The following REXO1 variants were observed in gnomAD, a reference collection of about 807,000 sequenced individuals.
REXO1 encodes the protein REX1, RNA exonuclease 1 homolog.
A neutral mutation model predicts 102.6 loss-of-function variants in REXO1; 42 were observed. The observed-to-expected ratio is 0.41, with a 90% CI of 0.32 to 0.53. The LOEUF (loss-of-function observed/expected upper bound fraction) is 0.53, where lower values mean the gene tolerates loss of function less well. REXO1 is among the 20% of genes least tolerant of loss of function. REXO1 has a pLI of 0.27. For missense variants in REXO1, 1,819 were observed against 1,732.5 expected (o/e 1.05, Z -0.89); for synonymous variants, 908 against 779.1 (o/e 1.17, Z -2.76).
At chr19:1,820,088 A>G in intron 6 of REXO1, 31 bp from the exon 7 acceptor site, 1 of 1,590,062 alleles carries the variant, frequency 6.3e-7, no homozygotes, top group Non-Finnish European at 8.5e-7. Context: ...AGCTGAGGCC[A>G]TGCCTGCCTG....
chr19:1,835,311 A>G (rs1490257615), intron 1 of REXO1, among the ~76,000 whole-genome samples: 1 of 152,082 alleles, frequency 6.6e-6, no homozygotes, highest in Non-Finnish European at 1.5e-5. Context: ...TGGGAGGCGG[A>G]GGCGGGAGGA....
intron 1 of REXO1, among the ~76,000 whole-genome samples, chr19:1,832,112 G>A (rs2069923145): frequency 6.6e-6 from 1 of 152,192 alleles, no homozygotes; most frequent in African/African-American, 2.4e-5. Flanking sequence ...TAAAGAGGGA[G>A]GCAGGAGGGT....
In REXO1 at chr19:1,828,383, G is replaced by A. The variant is rs748816044; in HGVS notation, c.406C>T (p.Pro136Ser). 5.0e-6 allele frequency: 8 copies of A among 1,608,344 alleles called. No individual in the cohort carries two copies. The highest frequency in any genetic ancestry group is 6.8e-6 in the Non-Finnish European group (8 of 1,177,602). ...GCATCCTCGTCCGGGCCCACAGTGG[G>A]GCTGGCGTTGGGGCCGCGGGGCGCC... ...ALAPRGPNAS[P>S]TVGPDEDAFP... The change falls in exon 2 of 16, where the codon CCC (proline) becomes TCC (serine). Residue 136 changes from proline to serine, a missense_variant. By Grantham distance (74) the Pro-to-Ser change is moderately conservative. Coordinates refer to ENST00000170168, the MANE Select transcript of REXO1 (RefSeq NM_020695.4).
rs1222056899 is a variant in REXO1 at position 1,827,763 on chromosome 19, C to T, written c.1026G>A (p.Val342=). ...GCTGGAGGTCCCCCACGTCGCACTG[C>T]ACGGCCGTCTCCTTGGTCTCCCGCA... ...GGLRETKETA[V]QCDVGDLQPP... is the part of the protein sequence containing the mutation. The change falls in exon 2 of 16, where the codon GTG becomes GTA. Residue 342 remains valine, a synonymous_variant. Transcript: ENST00000170168. 2 of 1,580,278 alleles carry T rather than the reference C, an allele frequency of 1.3e-6. No homozygotes were observed. The highest frequency in any genetic ancestry group is 1.7e-6 in the Non-Finnish European group (2 of 1,171,964).
At chr19:1,828,923 C>T (rs1414228153) in intron 1 of REXO1, among the ~76,000 whole-genome samples, 5 of 152,376 alleles carry the variant, frequency 3.3e-5, no homozygotes, top group African/African-American at 4.8e-5. Flanking sequence ...TCATGAAATG[C>T]GCACAATGAC....
Position 1,841,070 on chromosome 19 carries a change from G to A in REXO1, c.157+7132C>T, listed in dbSNP as rs532319192. 3.2e-3 allele frequency among the ~76,000 whole-genome samples: 489 copies of A among 152,306 alleles called. 3 individuals carry two copies. Among genetic ancestry groups the A allele is most frequent in the South Asian group, 0.018 (89 of 4,830 alleles). ...CGGAGCCTAAGGGAGGGATCGCCCC[G>A]AAACAGCCAGTGCACATGCGGCTCC... On this transcript the variant is annotated intron_variant, in intron 1 of 15. Coordinates refer to ENST00000170168, the MANE Select transcript of REXO1 (RefSeq NM_020695.4).
At position 1,818,236 on chromosome 19, in the gene REXO1, C is replaced by T. The variant is rs191581136; in HGVS notation, c.3016+246G>A. 9.8e-5 allele frequency among the ~76,000 whole-genome samples: 15 copies of T among 152,336 alleles called. No individual in the cohort carries two copies. The East Asian group carries it at 2.9e-3, about 29-fold the overall frequency. On this transcript the variant is annotated intron_variant, in intron 10 of 15. Transcript: ENST00000170168. Reference sequence around the variant, plus strand: ...GCACAGGAAGGCAGGGACACAGGGCCTTTCAGGTGGTGGCATTTGAACCTT... The same window carrying T: ...GCACAGGAAGGCAGGGACACAGGGCTTTTCAGGTGGTGGCATTTGAACCTT...
chr19:1,820,531 A>G, intron 5 of REXO1, 136 bp from the exon 6 acceptor site: 1 of 988,268 alleles, frequency 1.0e-6, no homozygotes, highest in South Asian at 1.5e-5. Context: ...TGGCTGCAGT[A>G]GGGACAGACA....
At chr19:1,818,903 A>G in intron 8 of REXO1, 60 bp from the exon 9 acceptor site, 1 of 1,590,746 alleles carries the variant, frequency 6.3e-7, no homozygotes, top group Non-Finnish European at 8.6e-7. Flanking sequence ...GGTAGACACC[A>G]CCGGGAAAGG....
rs748612129 is a variant in REXO1, at chr19:1,820,425, G to GAGGGCCTCCAC, written c.2395-41_2395-31dup. 9.3e-6 allele frequency: 15 copies of GAGGGCCTCCAC among 1,610,154 alleles called. No homozygotes were observed. In the South Asian group the frequency reaches 1.7e-4, roughly 18 times the overall value. On this transcript the variant is annotated intron_variant, in intron 5 of 15. Coordinates refer to ENST00000170168, the MANE Select transcript of REXO1 (RefSeq NM_020695.4). ...AGGGAAGGCAAAAGCTGCCATGGGT[G>GAGGGCCTCCAC]AGGGCCTCCACAAGGCCTCCAGCGG...
chr19:1,822,162 T>A, intron 4 of REXO1: 1 of 349,124 alleles, frequency 2.9e-6, no homozygotes, highest in East Asian at 4.8e-5. Flanking sequence ...CGCGGGCAGC[T>A]GCAACCTGGG....
At position 1,848,303 on chromosome 19, in the gene REXO1, GC is replaced by G. The variant is rs1272569103; in HGVS notation, c.55del (p.Ala19ArgfsTer141). On this transcript the variant is annotated frameshift_variant, in exon 1 of 16. Coordinates refer to ENST00000170168, the MANE Select transcript of REXO1 (RefSeq NM_020695.4). LOFTEE classifies it high-confidence loss of function. ...GGGCCGCCGGCAGGGCCCCCCGGGC[GC>G]CCCAGACCAATAGGGGCAGTCAATG... ...RAIDCPYWSG[A>X]PGGPCRRPYC... The G allele has an allele frequency of 1.6e-6, 2 of 1,230,920 alleles. No homozygotes were observed. 76.2% of individuals were successfully genotyped at this position (1,230,920 alleles called of 1,614,324 possible).
rs201829125 is a variant in REXO1 at position 1,816,805 on chromosome 19, G to A, written c.3210C>T (p.Thr1070=). ...CGCGCGTCAGCTCCAGGCCATATGT[G>A]GTGTAGGACTGCGGGCAAGGGATGC... ...IYALDCEMSY[T]TYGLELTRVT... The change falls in exon 13 of 16, where the codon ACC becomes ACT. Residue 1070 remains threonine, a synonymous_variant. Transcript: ENST00000170168. 1.2e-6 allele frequency: 2 copies of A among 1,611,936 alleles called. No homozygotes were observed. Among genetic ancestry groups the A allele is most frequent in the Non-Finnish European group, 1.7e-6 (2 of 1,179,392 alleles).
Position 1,817,305 on chromosome 19 carries a change from C to T in REXO1, c.3115G>A (p.Glu1039Lys), listed in dbSNP as rs1418402254. ...AKQHVQDGRK[E>K]RLEGFVKTFE... ...GTCTTCACGAAGCCCTCAAGGCGCT[C>T]CTTCCGGCCATCCTGCACGTGTTGC... The change falls in exon 12 of 16, where the codon GAG becomes AAG. Residue 1039 changes from glutamate (E) to lysine (K), a missense_variant. Transcript: ENST00000170168. The T allele has an allele frequency of 1.9e-6, 3 of 1,612,804 alleles. No individual in the cohort carries two copies. The highest frequency in any genetic ancestry group is 3.3e-5 in the Admixed American group (2 of 60,000).
Position 1,848,163 on chromosome 19 carries a change from G to A in REXO1, c.157+39C>T, listed in dbSNP as rs374882188. ...CGGGGTGGGGTCCAGACCCGGGCAG[G>A]GGAGCCGAGCCCAAGGCAAGCAGGC... is the stretch of plus-strand genomic sequence containing the variant. On this transcript the variant is annotated intron_variant, in intron 1 of 15. Transcript: ENST00000170168. 6.4e-4 allele frequency: 685 copies of A among 1,074,216 alleles called. 3 individuals are homozygous for A. The highest frequency in any genetic ancestry group is 1.8e-3 in the African/African-American group (112 of 60,686). 66.5% of individuals were successfully genotyped at this position (1,074,216 alleles called of 1,614,324 possible).
chr19:1,841,842 G>C (rs2011297129), intron 1 of REXO1, among the ~76,000 whole-genome samples: 1 of 152,140 alleles, frequency 6.6e-6, no homozygotes, highest in Non-Finnish European at 1.5e-5. Context: ...TCAGGCTCTG[G>C]GGGCAGGGAC....
At chr19:1,821,974 G>A (rs932488656) in intron 4 of REXO1, 16 of 541,308 alleles carry the variant, frequency 3.0e-5, no homozygotes, top group Admixed American at 1.9e-4. Context: ...CCAAGGCGTC[G>A]ATGTCTGAGG....
rs538863424 is a variant in REXO1, at chr19:1,818,056, C to T, written c.3017-276G>A. On this transcript the variant is annotated intron_variant, in intron 10 of 15. Coordinates refer to ENST00000170168, the MANE Select transcript of REXO1 (RefSeq NM_020695.4). The stretch of plus-strand genomic sequence containing the variant: ...CCTCCAGGTATCCCTGAGGCGATGG[C>T]TTTAGGGGCCGCCACAGGGCTGTGC... 2.0e-4 allele frequency among the ~76,000 whole-genome samples: 30 copies of T among 152,188 alleles called. 1 individual carries two copies. The highest frequency in any genetic ancestry group is 1.9e-4 in the Non-Finnish European group (13 of 68,028).
chr19:1,826,058 C>T lies in REXO1; in HGVS notation c.1912-115G>A. The T allele has an allele frequency of 1.4e-6, 1 of 730,778 alleles. No individual in the cohort carries two copies. The highest frequency in any genetic ancestry group is 2.7e-5 in the East Asian group (1 of 36,840). 45.3% of individuals were successfully genotyped at this position (730,778 alleles called of 1,614,324 possible). A position where few individuals can be genotyped will look rare whatever the true frequency, so the allele number is the denominator to read the frequency against. On this transcript the variant is annotated intron_variant, in intron 2 of 15. Transcript: ENST00000170168. The surrounding 1 kb of genome is among the most constrained non-coding windows in gnomAD (Gnocchi z 4.3). ...AATGGAACAGTCCAGCCCCCAGGCACAGCAGCTGAGGGCTCAGGGCCAACA... is the reference window on the plus strand; with the variant it reads ...AATGGAACAGTCCAGCCCCCAGGCATAGCAGCTGAGGGCTCAGGGCCAACA...
Sources: gnomAD v4.1 joint callset for allele counts (sites outside exome capture counted in the v4.1 genomes callset) on GRCh38, gnomAD v4.1.1 for gene constraint, Gnocchi (gnomAD v3.1) non-coding constraint, MANE v1.5 for transcripts, NCBI Gene and HGNC (gene_info 2026-07-23, HGNC 2026-07-21) for gene names.